Variants in VNN1 observed in about 807,000 individuals in gnomAD.
VNN1 encodes the protein pantetheinase.
Under a neutral mutation model 41.9 loss-of-function variants are expected in VNN1, and 29 were observed. That is an observed-to-expected ratio of 0.69 (90% CI 0.52 to 0.94). The LOEUF is 0.94. Ranked by LOEUF, VNN1 falls within the 40% of genes least tolerant of loss-of-function variation. The pLI, the probability that VNN1 is intolerant of heterozygous loss-of-function variation, is 0.00. For synonymous variants in VNN1, 233 were observed against 224.4 expected (o/e 1.04, Z -0.34); for missense variants, 637 against 621.1 (o/e 1.03, Z -0.27).
intron 2 of VNN1, among the ~76,000 whole-genome samples, chr6:132,697,675 AAC>A (rs1778392810): frequency 6.6e-6 from 1 of 151,548 alleles, no homozygotes; most frequent in East Asian, 1.9e-4. Flanking sequence ...TAGATCTACA[AAC>A]AAATTTGTAT....
intron 2 of VNN1, among the ~76,000 whole-genome samples, chr6:132,709,710 T>G (rs1384502282): frequency 6.6e-6 from 1 of 151,636 alleles, no homozygotes; most frequent in Non-Finnish European, 1.5e-5. Flanking sequence ...AGGCAAGACA[T>G]TCAGACATCA....
At chr6:132,705,669 A>T (rs1268580397) in intron 2 of VNN1, among the ~76,000 whole-genome samples, 1 of 152,108 alleles carries the variant, frequency 6.6e-6, no homozygotes, top group Non-Finnish European at 1.5e-5. Context: ...GTTCTCACTA[A>T]AGTAATCAGA....
chr6:132,703,801 A>G (rs141508696), intron 2 of VNN1, among the ~76,000 whole-genome samples: 3 of 152,292 alleles, frequency 2.0e-5, no homozygotes, highest in Non-Finnish European at 4.4e-5. Context: ...GCAATGGTCG[A>G]TTGTGTACAA....
chr6:132,707,092 G>T (rs1778529899), intron 2 of VNN1, among the ~76,000 whole-genome samples: 1 of 151,944 alleles, frequency 6.6e-6, no homozygotes, highest in Non-Finnish European at 1.5e-5. Context: ...TGGGTGTAGT[G>T]GCAGGCACCT....
At chr6:132,712,042 C>T (rs1778608398) in intron 1 of VNN1, among the ~76,000 whole-genome samples, 1 of 149,656 alleles carries the variant, frequency 6.7e-6, no homozygotes, top group Non-Finnish European at 1.5e-5. Flanking sequence ...TTTTTCTTTT[C>T]TTTTCTTTAT....
At chr6:132,713,585 G>A (rs1778632896) in intron 1 of VNN1, among the ~76,000 whole-genome samples, 1 of 152,168 alleles carries the variant, frequency 6.6e-6, no homozygotes, top group Non-Finnish European at 1.5e-5. Context: ...GTTCCTCAAA[G>A]GTCTGCTGCT....
intron 2 of VNN1, among the ~76,000 whole-genome samples, chr6:132,702,036 A>G (rs1206977818): frequency 6.6e-6 from 1 of 152,240 alleles, no homozygotes; most frequent in East Asian, 1.9e-4. Flanking sequence ...AATGTGGGAT[A>G]AAGTTCTCTG....
chr6:132,706,331 G>A (rs1437791589), intron 2 of VNN1, among the ~76,000 whole-genome samples: 8 of 152,024 alleles, frequency 5.3e-5, no homozygotes. Context: ...AAACAGAAGA[G>A]AGAACCCAGA....
rs45548834 is a variant in VNN1, at chr6:132,712,482, T to C, written c.211-643A>G. 7.4e-3 allele frequency among the ~76,000 whole-genome samples: 1,125 copies of C among 152,306 alleles called. 16 individuals are homozygous for C. Among genetic ancestry groups the C allele is most frequent in the African/African-American group, 0.026 (1,069 of 41,562 alleles). On this transcript the variant is annotated intron_variant, in intron 1 of 6. Coordinates refer to ENST00000367928, the MANE Select transcript of VNN1 (RefSeq NM_004666.3). ...GCATTTTAATTTTCTAATCCTGCCATTGTTGTTTCCTATGGCAGTCGTTAA... is the reference window on the plus strand; with the variant it reads ...GCATTTTAATTTTCTAATCCTGCCACTGTTGTTTCCTATGGCAGTCGTTAA...
intron 2 of VNN1, among the ~76,000 whole-genome samples, chr6:132,695,429 T>C (rs1461592782): frequency 6.6e-6 from 1 of 152,194 alleles, no homozygotes; most frequent in African/African-American, 2.4e-5. Flanking sequence ...TCTGTGTTCC[T>C]AAAGCAGCTT....
At chr6:132,707,174 C>A (rs547470606) in intron 2 of VNN1, among the ~76,000 whole-genome samples, 35 of 146,816 alleles carry the variant, frequency 2.4e-4, no homozygotes, top group Admixed American at 2.1e-3. Context: ...TGCAGTGAGC[C>A]AAGATGGCAC....
intron 2 of VNN1, among the ~76,000 whole-genome samples, chr6:132,705,593 T>C (rs1476049250): frequency 6.6e-6 from 1 of 152,202 alleles, no homozygotes; most frequent in Non-Finnish European, 1.5e-5. Flanking sequence ...CTGAAAGCTT[T>C]TCTCTAAGAT....
rs140347941 is a variant in VNN1, at chr6:132,692,524, T to A, written c.887A>T (p.Glu296Val). The change falls in exon 5 of 7, where the codon GAG becomes GTG. Residue 296 changes from glutamate to valine, a missense_variant. Physicochemically the swap from Glu to Val is moderately radical, Grantham distance 121. Coordinates refer to ENST00000367928, the MANE Select transcript of VNN1 (RefSeq NM_004666.3). ...CAGTTGCGAGAGGAGGAGTTTTCCC[T>A]CTTCTGTCTTCATATCATAATGAAA... ...RAFHYDMKTE[E>V]GKLLLSQLDS... The A allele has an allele frequency of 6.2e-7, 1 of 1,610,556 alleles. No individual in the cohort carries two copies. Among genetic ancestry groups the A allele is most frequent in the African/African-American group, 1.3e-5 (1 of 74,908 alleles).
Position 132,684,399 on chromosome 6 carries a change from C to A in VNN1, c.1295G>T (p.Gly432Val). The change falls in exon 6 of 7, where the codon GGA becomes GTA. Residue 432 changes from glycine to valine, a missense_variant. By Grantham distance (109) the Gly-to-Val change is moderately radical. Transcript: ENST00000367928. The stretch of plus-strand genomic sequence containing the variant: ...CACCTCAGGAAAGACATACTGGGTT[C>A]CGAAAGTGCCACTGAGGGAGAACAT... ...FEMFSLSGTFGTQYVFPEVLL... is the reference protein window; with the variant it reads ...FEMFSLSGTFVTQYVFPEVLL... 1 of 1,614,008 alleles carries A rather than the reference C, an allele frequency of 6.2e-7. No homozygotes were observed. Among genetic ancestry groups the A allele is most frequent in the Non-Finnish European group, 8.5e-7 (1 of 1,179,938 alleles).
At chr6:132,705,163 A>G (rs1279419427) in intron 2 of VNN1, among the ~76,000 whole-genome samples, 1 of 151,862 alleles carries the variant, frequency 6.6e-6, no homozygotes, top group Admixed American at 6.6e-5. Context: ...GAATGCTTCC[A>G]AACTCATTCA....
At position 132,683,280 on chromosome 6, in the gene VNN1, C is replaced by T. The variant is rs141631091; in HGVS notation, c.1402G>A (p.Gly468Arg). 3.8e-5 allele frequency: 62 copies of T among 1,613,764 alleles called. No individual in the cohort carries two copies. Among genetic ancestry groups the T allele is most frequent in the Middle Eastern group, 1.6e-4 (1 of 6,082 alleles). Residue 468 changes from glycine to arginine, a missense_variant, in exon 7 of 7, where the codon GGA (glycine) becomes AGA (arginine). Physicochemically the swap from Gly to Arg is moderately radical, Grantham distance 125. Coordinates refer to ENST00000367928, the MANE Select transcript of VNN1 (RefSeq NM_004666.3). ...AACAGAGTTACTGTTAAGACAGGTC[C>T]GGATGTTGGCTTCAGACTAAACAAG... is the stretch of plus-strand genomic sequence containing the variant. ...GRLFSLKPTSGPVLTVTLFGR... is the reference protein window; with the variant it reads ...GRLFSLKPTSRPVLTVTLFGR...
chr6:132,713,559 G>A (rs576955110), intron 1 of VNN1, among the ~76,000 whole-genome samples: 15 of 152,324 alleles, frequency 9.8e-5, no homozygotes, highest in Non-Finnish European at 2.1e-4. Context: ...GAACAAAGAT[G>A]TTGAATTTAT....
intron 2 of VNN1, among the ~76,000 whole-genome samples, chr6:132,697,460 T>C (rs1467140819): frequency 1.3e-5 from 2 of 152,196 alleles, no homozygotes; most frequent in Non-Finnish European, 2.9e-5. Flanking sequence ...TGTTAATGCC[T>C]GATTTTTTTA....
intron 2 of VNN1, among the ~76,000 whole-genome samples, chr6:132,697,242 C>A (rs533030609): frequency 2.6e-5 from 4 of 152,188 alleles, no homozygotes; most frequent in African/African-American, 7.2e-5. Flanking sequence ...TAAATAGGTA[C>A]TATTAAAGCC....
Sources: gnomAD v4.1 joint callset for allele counts (sites outside exome capture counted in the v4.1 genomes callset) on GRCh38, gnomAD v4.1.1 for gene constraint, MANE v1.5 for transcripts, NCBI Gene and HGNC (gene_info 2026-07-23, HGNC 2026-07-21) for gene names.